PRORP: variants seen among roughly 807,000 people sequenced by gnomAD.
The protein encoded by PRORP is protein only RNase P catalytic subunit.
Under a neutral mutation model 59.4 loss-of-function variants are expected in PRORP, and 51 were observed. The ratio of observed to expected loss-of-function variants is 0.86; its 90% CI spans 0.69 to 1.08. PRORP has a LOEUF of 1.08. PRORP is among the 50% of genes least tolerant of loss of function. The pLI is 0.00. For synonymous variants in PRORP, 231 were observed against 245.6 expected, an observed-to-expected ratio of 0.94 and a Z score of 0.55; for missense variants, 646 against 690.3, an observed-to-expected ratio of 0.94 and a Z score of 0.72.
At chr14:35,263,156 T>C in intron 5 of PRORP, 1 of 718,546 alleles carries the variant, frequency 1.4e-6, no homozygotes, top group Non-Finnish European at 2.3e-6. Context: ...TAAAAATACA[T>C]AGGACAGAAA....
At chr14:35,241,506 A>T (rs2138545666) in intron 5 of PRORP, among the ~76,000 whole-genome samples, 1 of 152,182 alleles carries the variant, frequency 6.6e-6, no homozygotes, top group Admixed American at 6.5e-5. Context: ...GCTCTGGATT[A>T]TTTTGGTCTT....
In PRORP at chr14:35,220,329, T is replaced by G. The variant is rs528953924; in HGVS notation, c.1275+39552T>G. Among the ~76,000 whole-genome samples, 241 of 152,332 alleles carry G rather than the reference T, an allele frequency of 1.6e-3. 1 individual carries two copies. Among genetic ancestry groups the G allele is most frequent in the Non-Finnish European group, 8.1e-4 (55 of 68,030 alleles). Reference sequence around the variant, plus strand: ...AACTCTAAAGGTTAAAAATTATTCATTCTATTGAGCTAAATCTATTCTGGT... The same window carrying G: ...AACTCTAAAGGTTAAAAATTATTCAGTCTATTGAGCTAAATCTATTCTGGT... On this transcript the variant is annotated intron_variant, in intron 5 of 7. Coordinates refer to ENST00000534898, the MANE Select transcript of PRORP (RefSeq NM_014672.4).
chr14:35,220,156 A>G (rs1281533921), intron 5 of PRORP, among the ~76,000 whole-genome samples: 1 of 152,194 alleles, frequency 6.6e-6, no homozygotes, highest in East Asian at 1.9e-4. Flanking sequence ...ATATTTTTGA[A>G]GTTCACCCTT....
chr14:35,141,844 G>C (rs1031403648), intron 4 of PRORP, among the ~76,000 whole-genome samples: 1 of 140,812 alleles, frequency 7.1e-6, no homozygotes, highest in African/African-American at 2.5e-5. Flanking sequence ...AGCCTCATGA[G>C]TAGCTGGGAC....
chr14:35,221,043 C>T (rs1328551098), intron 5 of PRORP, among the ~76,000 whole-genome samples: 1 of 152,140 alleles, frequency 6.6e-6, no homozygotes, highest in Non-Finnish European at 1.5e-5. Context: ...AGGGAGCAGC[C>T]AGTACAAATG....
chr14:35,206,139 T>C (rs2049288021), intron 5 of PRORP, among the ~76,000 whole-genome samples: 1 of 152,260 alleles, frequency 6.6e-6, no homozygotes, highest in South Asian at 2.1e-4. Flanking sequence ...GTTTGGTGAC[T>C]CCTTTTAGTC....
chr14:35,188,961 A>AAAAAAAAAAAAAG (rs1555326788), intron 5 of PRORP, among the ~76,000 whole-genome samples: 1 of 132,776 alleles, frequency 7.5e-6, no homozygotes, highest in Non-Finnish European at 1.6e-5. Flanking sequence ...AAAAAAAAAA[A>AAAAAAAAAAAAAG]AAAGTATTGC....
chr14:35,252,795 A>G (rs2050647555), intron 5 of PRORP, among the ~76,000 whole-genome samples: 1 of 152,102 alleles, frequency 6.6e-6, no homozygotes, highest in Non-Finnish European at 1.5e-5. Flanking sequence ...CTACCTACAT[A>G]CCACATACAC....
chr14:35,272,047 CA>C (rs369960066), intron 7 of PRORP, among the ~76,000 whole-genome samples: 20 of 142,108 alleles, frequency 1.4e-4, no homozygotes, highest in African/African-American at 2.6e-4. Context: ...AAAAAAACAA[CA>C]AAAAAAAAAC....
At chr14:35,157,002 C>G (rs1272907276) in intron 4 of PRORP, among the ~76,000 whole-genome samples, 1 of 140,772 alleles carries the variant, frequency 7.1e-6, no homozygotes, top group Admixed American at 7.7e-5. Flanking sequence ...GTCGCCCAGG[C>G]GGGAGTGCAG....
chr14:35,253,441 A>G (rs2050670495), intron 5 of PRORP, among the ~76,000 whole-genome samples: 1 of 152,146 alleles, frequency 6.6e-6, no homozygotes, highest in South Asian at 2.1e-4. Context: ...AGAAACACAC[A>G]CACACACACT....
At chr14:35,203,773 T>A (rs904822074) in intron 5 of PRORP, among the ~76,000 whole-genome samples, 4 of 151,808 alleles carry the variant, frequency 2.6e-5, no homozygotes, top group Non-Finnish European at 4.4e-5. Flanking sequence ...CTGAGGCAGG[T>A]GAATGGCATG....
In PRORP at chr14:35,270,557, A is replaced by G; in HGVS notation, c.1581A>G (p.Ala527=). The stretch of plus-strand genomic sequence containing the variant: ...AGTGGCAGCAGGGACATCAGCTGGC[A>G]ATTGTAAATAGGTTTCCAGGATCAA... The part of the protein sequence containing the change: ...FFKWQQGHQL[A]IVNRFPGSKL... The change falls in exon 7 of 8, where the codon GCA becomes GCG. Residue 527 remains alanine, a synonymous_variant. Transcript: ENST00000534898. 2 of 1,614,228 alleles carry G rather than the reference A, an allele frequency of 1.2e-6. No individual in the cohort carries two copies. Among genetic ancestry groups the G allele is most frequent in the Non-Finnish European group, 1.7e-6 (2 of 1,180,040 alleles).
At chr14:35,128,796 C>G (rs1438147618) in intron 4 of PRORP, among the ~76,000 whole-genome samples, 3 of 152,014 alleles carry the variant, frequency 2.0e-5, no homozygotes, top group Non-Finnish European at 4.4e-5. Context: ...GTTTCATGAT[C>G]TTTTGTATGG....
At chr14:35,210,925 G>A (rs2139169136) in intron 5 of PRORP, among the ~76,000 whole-genome samples, 1 of 151,362 alleles carries the variant, frequency 6.6e-6, no homozygotes, top group South Asian at 2.1e-4. Context: ...TACCACACCT[G>A]GCTAGTTTTT....
intron 5 of PRORP, among the ~76,000 whole-genome samples, chr14:35,185,558 A>G (rs1293492329): frequency 6.6e-6 from 1 of 152,196 alleles, no homozygotes; most frequent in East Asian, 1.9e-4. Flanking sequence ...GAGCCTGCAA[A>G]CTTCCACCTG....
At chr14:35,241,824 C>T (rs1256944489) in intron 5 of PRORP, among the ~76,000 whole-genome samples, 3 of 152,134 alleles carry the variant, frequency 2.0e-5, no homozygotes, top group Non-Finnish European at 4.4e-5. Flanking sequence ...CTCATTTGTG[C>T]CTTTGCATTT....
At chr14:35,204,322 T>C (rs1032634043) in intron 5 of PRORP, among the ~76,000 whole-genome samples, 1 of 152,206 alleles carries the variant, frequency 6.6e-6, no homozygotes, top group Middle Eastern at 3.2e-3. Context: ...TTTAATTTTA[T>C]GTGTCAAGAC....
At chr14:35,266,639 A>AC (rs2051049969) in intron 5 of PRORP, 88 bp from the exon 6 acceptor site, 3 of 1,379,860 alleles carry the variant, frequency 2.2e-6, no homozygotes, top group South Asian at 2.6e-5. Context: ...AGAGTGCTTC[A>AC]CCATTGAGGT....
Sources: allele counts gnomAD v4.1 joint callset (sites outside exome capture counted in the v4.1 genomes callset), GRCh38; gene constraint gnomAD v4.1.1; transcripts MANE v1.5; gene names NCBI Gene and HGNC (gene_info 2026-07-23, HGNC 2026-07-21).